The following ASPG variants were observed in gnomAD, a reference collection of about 807,000 sequenced individuals.
ASPG encodes asparaginase, also known as 60 kDa lysophospholipase.
A neutral mutation model predicts 63.2 loss-of-function variants in ASPG; 53 were observed. The ratio of observed to expected loss-of-function variants is 0.84; its 90% CI spans 0.67 to 1.05. The LOEUF (loss-of-function observed/expected upper bound fraction) is 1.05, where lower values mean the gene tolerates loss of function less well. ASPG is among the 50% of genes least tolerant of loss of function. The pLI is 0.00. For missense variants in ASPG, 741 were observed against 794.4 expected (o/e 0.93, Z 0.81); for synonymous variants, 370 against 355.0 (o/e 1.04, Z -0.48).
chr14:104,104,476 C>A lies in ASPG; in HGVS notation c.926C>A (p.Ala309Glu), dbSNP rs61743275. 1,494 of 1,612,034 alleles carry A rather than the reference C, an allele frequency of 9.3e-4. 14 individuals carry two copies. In the African/African-American group the frequency reaches 0.017, roughly 19 times the overall value. Residue 309 changes from alanine to glutamate, a missense_variant, in exon 8 of 16, where the codon GCA (alanine) becomes GAA (glutamate). Transcript: ENST00000551177. ...CLQGAVTTDY[A>E]AGMAMAGAGV... ...CAGGGGGCTGTGACCACAGACTATG[C>A]AGCTGGCATGGTAGTGCCGGGAGAT...
intron 9 of ASPG, 64 bp from the exon 10 acceptor site, chr14:104,105,264 C>G: frequency 6.2e-7 from 1 of 1,611,718 alleles, no homozygotes; most frequent in South Asian, 1.1e-5. Context: ...CCCGACCCTC[C>G]AGGCTGTCCT....
chr14:104,101,395 G>A (rs2036868745), intron 6 of ASPG, among the ~76,000 whole-genome samples: 2 of 152,182 alleles, frequency 1.3e-5, no homozygotes, highest in South Asian at 4.1e-4. Context: ...CACTGTCTGG[G>A]AAGTGAGGGG....
At position 104,104,727 on chromosome 14, in the gene ASPG, A is replaced by G; in HGVS notation, c.1042A>G (p.Arg348Gly). ...CCAGCCAGGGCTGAGCCTGGATGTCAGGAAGGAGGTGCGGGCGCTCTCGGG... is the reference window on the plus strand; with the variant it reads ...CCAGCCAGGGCTGAGCCTGGATGTCGGGAAGGAGGTGCGGGCGCTCTCGGG... Reference protein sequence around the residue: ...LGQPGLSLDVRKELLTKDLRG... With the variant: ...LGQPGLSLDVGKELLTKDLRG... The change falls in exon 9 of 16, where the codon AGG becomes GGG. Residue 348 changes from arginine (R) to glycine (G), a missense_variant. Transcript: ENST00000551177. 1.3e-6 allele frequency: 2 copies of G among 1,594,012 alleles called. No homozygotes were observed. Among genetic ancestry groups the G allele is most frequent in the South Asian group, 2.2e-5 (2 of 89,772 alleles).
In ASPG at chr14:104,109,329, G is replaced by A. The variant is rs767722987; in HGVS notation, c.1520+14G>A. 25 of 1,597,688 alleles carry A rather than the reference G, an allele frequency of 1.6e-5. No individual in the cohort carries two copies. In the African/African-American group the frequency reaches 3.3e-4, roughly 21 times the overall value. On this transcript the variant is annotated intron_variant, in intron 13 of 15. Transcript: ENST00000551177. The surrounding 1 kb of genome is among the most constrained non-coding windows in gnomAD (Gnocchi z 4.8). ...GGAGCTGTGCAGGTGAGTGCAGCTA[G>A]AGCACCTGCTCTTCCAGGGATGTGG...
chr14:104,105,256 C>T (rs963461964), intron 9 of ASPG, 72 bp from the exon 10 acceptor site: 18 of 1,609,900 alleles, frequency 1.1e-5, no homozygotes, highest in African/African-American at 2.7e-5. Context: ...CCGGGTAGCC[C>T]GACCCTCCAG....
chr14:104,090,205 C>T (rs796793083), intron 1 of ASPG, among the ~76,000 whole-genome samples: 1 of 152,220 alleles, frequency 6.6e-6, no homozygotes, highest in South Asian at 2.1e-4. Flanking sequence ...ACACATGCCC[C>T]CAGCAGGGAC....
intron 3 of ASPG, among the ~76,000 whole-genome samples, chr14:104,094,307 C>T (rs1313559732): frequency 6.6e-6 from 1 of 152,082 alleles, no homozygotes; most frequent in South Asian, 2.1e-4. Context: ...TGGTGACCTG[C>T]TCACTGCCCT....
chr14:104,105,383 G>T lies in ASPG; in HGVS notation c.1106G>T (p.Arg369Leu). The change falls in exon 10 of 16, where the codon CGG becomes CTG. Residue 369 changes from arginine (R) to leucine (L), a missense_variant. By Grantham distance (102) the Arg-to-Leu change is moderately radical. Coordinates refer to ENST00000551177, the MANE Select transcript of ASPG (RefSeq NM_001080464.3). Reference sequence around the variant, plus strand: ...ACGCCACCCTCGGTGGAAGAGCGCCGGCCCTCACTGCAGGGCAACACGCTG... The same window carrying T: ...ACGCCACCCTCGGTGGAAGAGCGCCTGCCCTCACTGCAGGGCAACACGCTG... ...EMTPPSVEER[R>L]PSLQGNTLGG... The T allele has an allele frequency of 6.2e-7, 1 of 1,612,470 alleles. No individual in the cohort carries two copies. Among genetic ancestry groups the T allele is most frequent in the South Asian group, 1.1e-5 (1 of 91,054 alleles).
At chr14:104,087,563 A>G (rs2036253309) in intron 1 of ASPG, among the ~76,000 whole-genome samples, 1 of 152,190 alleles carries the variant, frequency 6.6e-6, no homozygotes, top group Non-Finnish European at 1.5e-5. Context: ...AAGGTGCAGG[A>G]AAGAGGAGTG....
At position 104,103,619 on chromosome 14, in the gene ASPG, A is replaced by G. The variant is rs2036980290; in HGVS notation, c.697A>G (p.Ser233Gly). 1.3e-6 allele frequency: 2 copies of G among 1,548,016 alleles called. No individual in the cohort carries two copies. The highest frequency in any genetic ancestry group is 3.9e-5 in the Admixed American group (2 of 50,978). ...DGKAGLVVHSSMEQDVGLLRL... is the reference protein window; with the variant it reads ...DGKAGLVVHSGMEQDVGLLRL... Reference sequence around the variant, plus strand: ...GAAGGCTGGGCTGGTGGTGCACAGCAGCATGGAGCAGGACGTGGGCCTGCT... The same window carrying G: ...GAAGGCTGGGCTGGTGGTGCACAGCGGCATGGAGCAGGACGTGGGCCTGCT... Residue 233 changes from serine to glycine, a missense_variant, in exon 7 of 16, where the codon AGC becomes GGC. Physicochemically the swap from Ser to Gly is moderately conservative, Grantham distance 56. Coordinates refer to ENST00000551177, the MANE Select transcript of ASPG (RefSeq NM_001080464.3).
intron 2 of ASPG, chr14:104,093,248 T>G: frequency 1.7e-6 from 1 of 577,324 alleles, no homozygotes; most frequent in African/African-American, 1.9e-5. Flanking sequence ...TTCGAGCTGG[T>G]GTGGGAAGAA....
chr14:104,089,455 G>T (rs1245897359), intron 1 of ASPG, among the ~76,000 whole-genome samples: 1 of 152,078 alleles, frequency 6.6e-6, no homozygotes, highest in Non-Finnish European at 1.5e-5. Flanking sequence ...GGAGGTGGAG[G>T]TTGCAGTGAG....
At position 104,097,592 on chromosome 14, in the gene ASPG, C is replaced by A. The variant is rs2036651430; in HGVS notation, c.468C>A (p.Asn156Lys). 6.4e-7 allele frequency: 1 copy of A among 1,564,164 alleles called. No individual in the cohort carries two copies. Among genetic ancestry groups the A allele is most frequent in the African/African-American group, 1.4e-5 (1 of 73,820 alleles). ...IHALWSDGRE[N>K]LLGALLMAGQ... ...CCCTGTGGAGCGACGGCCGTGAGAA[C>A]CTGCTGGGGGCACTGCTCATGGCTG... is the stretch of plus-strand genomic sequence containing the variant. The change falls in exon 5 of 16, where the codon AAC becomes AAA. Residue 156 changes from asparagine to lysine, a missense_variant. Coordinates refer to ENST00000551177, the MANE Select transcript of ASPG (RefSeq NM_001080464.3).
Position 104,104,605 on chromosome 14 carries a change from AC to A in ASPG, c.937-16del. 6.3e-7 allele frequency: 1 copy of A among 1,596,610 alleles called. No individual in the cohort carries two copies. ...GTGGTGAGTCGCCCTTCCTGCCCAC[AC>A]GCCCCCTCCTCACAGGCCATGGCGG... On this transcript the variant is annotated splice_polypyrimidine_tract_variant and intron_variant, in intron 8 of 15. Coordinates refer to ENST00000551177, the MANE Select transcript of ASPG (RefSeq NM_001080464.3).
chr14:104,098,022 TG>T (rs1385379648), intron 5 of ASPG, among the ~76,000 whole-genome samples: 11 of 111,764 alleles, frequency 9.8e-5, no homozygotes, highest in South Asian at 3.3e-4. Context: ...ATGGAGGTTC[TG>T]CGTTAGAGAT....
At chr14:104,108,386 C>G in intron 12 of ASPG, 1 of 985,094 alleles carries the variant, frequency 1.0e-6, no homozygotes, top group Non-Finnish European at 1.2e-6. Flanking sequence ...CTCGTCTCCT[C>G]CTGACTCACA....
rs887296252 is a variant in ASPG at position 104,109,647 on chromosome 14, G to A, written c.1520+332G>A. 2.0e-5 allele frequency among the ~76,000 whole-genome samples: 3 copies of A among 151,302 alleles called. No homozygotes were observed. The highest frequency in any genetic ancestry group is 4.9e-5 in the African/African-American group (2 of 41,108). ...AGGAGGGGTATGGGAATTGGTTGTCGGGTGTGAGAGGGGCTGGGGTGTGGA... is the reference window on the plus strand; with the variant it reads ...AGGAGGGGTATGGGAATTGGTTGTCAGGTGTGAGAGGGGCTGGGGTGTGGA... On this transcript the variant is annotated intron_variant, in intron 13 of 15. Transcript: ENST00000551177. This position sits in a 1 kb window ranked among gnomAD's most constrained non-coding sequence, Gnocchi z 4.8.
rs1450383928 is a variant in ASPG at position 104,107,244 on chromosome 14, A to G, written c.1332A>G (p.Gly444=). ...CCCCACTGCACGCGGCCGCCCGGGGAGGCCACACAGAGGCAGTCACCATGC... is the reference window on the plus strand; with the variant it reads ...CCCCACTGCACGCGGCCGCCCGGGGGGGCCACACAGAGGCAGTCACCATGC... ...GQTPLHAAAR[G]GHTEAVTMLL... Residue 444 remains glycine (G), a synonymous_variant, in exon 12 of 16, where the codon GGA becomes GGG. Transcript: ENST00000551177. 6.2e-7 allele frequency: 1 copy of G among 1,607,580 alleles called. No individual in the cohort carries two copies. Among genetic ancestry groups the G allele is most frequent in the Non-Finnish European group, 8.5e-7 (1 of 1,176,716 alleles).
rs370329881 is a variant in ASPG at position 104,107,289 on chromosome 14, C to T, written c.1377C>T (p.Asp459=). ...CCATGCTGCTGCAGAGAGGTGTGGA[C>T]GTGAACACCCGGGACACGGATGGCT... is the stretch of plus-strand genomic sequence containing the variant. The part of the protein sequence containing the change: ...AVTMLLQRGV[D]VNTRDTDGFS... Residue 459 remains aspartate (D), a synonymous_variant, in exon 12 of 16, where the codon GAC becomes GAT. Transcript: ENST00000551177. The T allele has an allele frequency of 6.8e-6, 11 of 1,607,530 alleles. No individual in the cohort carries two copies. The highest frequency in any genetic ancestry group is 4.5e-5 in the East Asian group (2 of 44,782).
Sources: allele counts gnomAD v4.1 joint callset (sites outside exome capture counted in the v4.1 genomes callset), GRCh38; gene constraint gnomAD v4.1.1; non-coding constraint Gnocchi (gnomAD v3.1); transcripts MANE v1.5; gene names NCBI Gene and HGNC (gene_info 2026-07-23, HGNC 2026-07-21).